CACNA2D3: variants seen among roughly 807,000 people sequenced by gnomAD.
CACNA2D3 encodes the protein voltage-dependent calcium channel subunit alpha-2/delta-3.
CACNA2D3 carries 60 observed loss-of-function variants against 160.6 expected under a neutral mutation model. The ratio of observed to expected loss-of-function variants is 0.37; its 90% CI spans 0.30 to 0.46. CACNA2D3 has a LOEUF of 0.46. Among genes scored for constraint, CACNA2D3 ranks in the 20% least tolerant of loss-of-function variants. The pLI, the probability that CACNA2D3 is intolerant of heterozygous loss-of-function variation, is 1.00. For missense variants in CACNA2D3, 1,205 were observed against 1,365.0 expected (o/e 0.88, Z 1.85); for synonymous variants, 558 against 492.9 (o/e 1.13, Z -1.75).
At chr3:54,830,251 G>C (rs1031117622) in intron 14 of CACNA2D3, among the ~76,000 whole-genome samples, 13 of 151,304 alleles carry the variant, frequency 8.6e-5, no homozygotes, top group African/African-American at 3.2e-4. Context: ...CCCAGATTCT[G>C]GTTATCTTAA....
At chr3:54,667,391 G>T (rs1246871789) in intron 11 of CACNA2D3, among the ~76,000 whole-genome samples, 1 of 152,190 alleles carries the variant, frequency 6.6e-6, no homozygotes, top group African/African-American at 2.4e-5. Context: ...CCAAGGCAGA[G>T]GCTGGAAGGA....
At chr3:54,365,580 C>A (rs1377833522) in intron 3 of CACNA2D3, among the ~76,000 whole-genome samples, 1 of 152,150 alleles carries the variant, frequency 6.6e-6, no homozygotes, top group East Asian at 1.9e-4. Context: ...TACAGGCTAT[C>A]TGGCCGGTCA....
intron 3 of CACNA2D3, among the ~76,000 whole-genome samples, chr3:54,339,224 C>CA (rs1704462023): frequency 1.3e-5 from 2 of 152,198 alleles, no homozygotes; most frequent in Admixed American, 1.3e-4. Context: ...CTTCTCTCTT[C>CA]TAGAGTGCCC....
At chr3:54,338,096 A>C (rs2107523505) in intron 3 of CACNA2D3, among the ~76,000 whole-genome samples, 1 of 152,370 alleles carries the variant, frequency 6.6e-6, no homozygotes, top group South Asian at 2.1e-4. Flanking sequence ...CTATAGAAGA[A>C]GTAAACAGTT....
rs9864089 is a variant in CACNA2D3 at position 54,354,463 on chromosome 3, A to T, written c.322-32252A>T. Reference sequence around the variant, plus strand: ...AAAGGAAAAAATGCAAGTATAATTTAAAAAAAATGACAAACAGTGCTGTGG... The same window carrying T: ...AAAGGAAAAAATGCAAGTATAATTTTAAAAAAATGACAAACAGTGCTGTGG... On this transcript the variant is annotated intron_variant, in intron 3 of 37. Transcript: ENST00000474759. 4.3e-3 allele frequency among the ~76,000 whole-genome samples: 657 copies of T among 152,118 alleles called. 5 individuals are homozygous for T. The highest frequency in any genetic ancestry group is 0.015 in the African/African-American group (605 of 41,474).
At chr3:54,846,301 G>A in intron 16 of CACNA2D3, 92 bp from the exon 17 acceptor site, 2 of 741,158 alleles carry the variant, frequency 2.7e-6, no homozygotes, top group Non-Finnish European at 4.6e-6. Context: ...ACAAGTTAAA[G>A]CTGTAAATTA....
At chr3:54,420,373 G>A (rs572148950) in intron 4 of CACNA2D3, among the ~76,000 whole-genome samples, 33 of 152,184 alleles carry the variant, frequency 2.2e-4, no homozygotes, top group Non-Finnish European at 4.4e-4. Context: ...ATGAGCCACC[G>A]CACCTTGTCC....
At chr3:54,283,300 T>A (rs1283084697) in intron 2 of CACNA2D3, among the ~76,000 whole-genome samples, 1 of 152,214 alleles carries the variant, frequency 6.6e-6, no homozygotes, top group Non-Finnish European at 1.5e-5. Context: ...CCCTGCCCTC[T>A]GTAGGGTCAG....
chr3:54,289,172 C>G (rs1454850248), intron 2 of CACNA2D3, among the ~76,000 whole-genome samples: 3 of 152,118 alleles, frequency 2.0e-5, no homozygotes, highest in Non-Finnish European at 2.9e-5. Flanking sequence ...CATCTCAGCC[C>G]AAAATCTCCT....
intron 4 of CACNA2D3, among the ~76,000 whole-genome samples, chr3:54,394,015 T>A (rs1699328804): frequency 6.6e-6 from 1 of 152,182 alleles, no homozygotes; most frequent in South Asian, 2.1e-4. Context: ...CTTCTGTGTC[T>A]CACCATCTGG....
chr3:54,905,103 A>G (rs1017996537), intron 27 of CACNA2D3, among the ~76,000 whole-genome samples: 1 of 152,160 alleles, frequency 6.6e-6, no homozygotes, highest in African/African-American at 2.4e-5. Flanking sequence ...AAACAGCTTT[A>G]TTGAGGTAGG....
chr3:54,260,551 C>A (rs925498081), intron 2 of CACNA2D3, among the ~76,000 whole-genome samples: 5 of 152,242 alleles, frequency 3.3e-5, no homozygotes, highest in South Asian at 2.1e-4. Flanking sequence ...ATCCTAATTA[C>A]TTCTCAAAGG....
At chr3:54,401,813 A>G (rs1162764242) in intron 4 of CACNA2D3, among the ~76,000 whole-genome samples, 2 of 152,218 alleles carry the variant, frequency 1.3e-5, no homozygotes, top group Admixed American at 6.5e-5. Flanking sequence ...ATATGAAAGT[A>G]TAAAATTCAA....
intron 13 of CACNA2D3, among the ~76,000 whole-genome samples, chr3:54,783,151 C>A (rs1702565723): frequency 6.6e-6 from 1 of 152,100 alleles, no homozygotes; most frequent in Non-Finnish European, 1.5e-5. Context: ...AGAAGGTCTC[C>A]TGCATACGTG....
chr3:54,300,606 G>C (rs1003670731), intron 2 of CACNA2D3, among the ~76,000 whole-genome samples: 1 of 152,140 alleles, frequency 6.6e-6, no homozygotes, highest in African/African-American at 2.4e-5. Context: ...ATTGATATCT[G>C]ATTATATATT....
intron 29 of CACNA2D3, among the ~76,000 whole-genome samples, chr3:54,979,749 AT>A (rs762848683): frequency 3.9e-5 from 6 of 152,010 alleles, no homozygotes; most frequent in Non-Finnish European, 8.8e-5. Flanking sequence ...CTCTATTCTA[AT>A]GTCACAATCT....
At chr3:54,333,616 G>GC (rs1169938836) in intron 3 of CACNA2D3, among the ~76,000 whole-genome samples, 2 of 152,122 alleles carry the variant, frequency 1.3e-5, no homozygotes, top group South Asian at 4.2e-4. Flanking sequence ...CGAGAGTGAA[G>GC]CCCCCGGGGC....
chr3:54,659,837 C>G (rs1396080925), intron 11 of CACNA2D3, among the ~76,000 whole-genome samples: 2 of 152,006 alleles, frequency 1.3e-5, no homozygotes, highest in Non-Finnish European at 2.9e-5. Flanking sequence ...TTGTTCTCCC[C>G]CAGAGCTTAG....
rs947851563 is a variant in CACNA2D3 at position 55,022,547 on chromosome 3, TTTCCTTCCTTCTTTCTTTCTTTCC to T, written c.2987+4242_2987+4265del. ...CCTTTCTTCCTTCCTTCTTTCTTTC[TTTCCTTCCTTCTTTCTTTCTTTCC>T]TTCCTTCCTTCCTTCCTTTTTTCCT... On this transcript the variant is annotated intron_variant, in intron 35 of 37. Transcript: ENST00000474759. Among the ~76,000 whole-genome samples, 71 of 142,310 alleles carry T rather than the reference TTTCCTTCCTTCTTTCTTTCTTTCC, an allele frequency of 5.0e-4. 1 individual carries two copies. The South Asian group carries it at 0.014, about 28-fold the overall frequency. The allele number at this position is 142,310 out of a possible 152,430, so 93.4% of individuals were successfully genotyped here. A position where few individuals can be genotyped will look rare whatever the true frequency, so the allele number is the denominator to read the frequency against.
Sources: allele counts gnomAD v4.1 joint callset (sites outside exome capture counted in the v4.1 genomes callset), GRCh38; gene constraint gnomAD v4.1.1; transcripts MANE v1.5; gene names NCBI Gene and HGNC (gene_info 2026-07-23, HGNC 2026-07-21).